CCDC171: variants seen among roughly 807,000 people sequenced by gnomAD.
CCDC171 encodes the protein coiled-coil domain-containing protein 171.
CCDC171 carries 177 observed loss-of-function variants against 168.2 expected under a neutral mutation model. The observed-to-expected ratio is 1.05, with a 90% CI of 0.93 to 1.19. CCDC171 has a LOEUF of 1.19. Ranked by LOEUF, CCDC171 falls within the 50% of genes most tolerant of loss-of-function variation. CCDC171 has a pLI of 0.00. For synonymous variants in CCDC171, 687 were observed against 540.8 expected (o/e 1.27, Z -3.75); for missense variants, 1,991 against 1,539.0 (o/e 1.29, Z -4.91).
At position 16,003,488 on chromosome 9, in the gene CCDC171, G is replaced by A. The variant is rs562904047; in HGVS notation, n.369-17101G>A. ...GAAAGTGTCAAGAAGAGCCCACTGG[G>A]AGGACAACTTCCTGGGCTCAACTGC... On this transcript the variant is annotated intron_variant and non_coding_transcript_variant, in intron 3 of 9. Coordinates refer to the CCDC171 transcript ENST00000486641. Among the ~76,000 whole-genome samples, 5 of 152,320 alleles carry A rather than the reference G, an allele frequency of 3.3e-5. No individual in the cohort carries two copies. In the South Asian group the frequency reaches 8.3e-4, roughly 25 times the overall value.
intron 21 of CCDC171, among the ~76,000 whole-genome samples, chr9:15,803,372 A>AG (rs1243899071): frequency 6.6e-6 from 1 of 151,254 alleles, no homozygotes; most frequent in Non-Finnish European, 1.5e-5. Context: ...TTTTTTTTCT[A>AG]GGGTTTTTTT....
intron 1 of CCDC171, 80 bp downstream of exon 1, chr9:15,553,382 G>A (rs1214319517): frequency 6.6e-6 from 1 of 152,156 alleles, no homozygotes; most frequent in Non-Finnish European, 1.5e-5. Context: ...CCCTGAGTGA[G>A]TTTGGGGCGG....
At chr9:15,895,216 A>G (rs765758747) in intron 24 of CCDC171, among the ~76,000 whole-genome samples, 8 of 152,160 alleles carry the variant, frequency 5.3e-5, no homozygotes, top group Middle Eastern at 3.2e-3. Context: ...GAGATTATGT[A>G]TGCCATCACA....
chr9:15,877,044 T>C (rs1817934863), intron 24 of CCDC171, among the ~76,000 whole-genome samples: 1 of 152,160 alleles, frequency 6.6e-6, no homozygotes, highest in South Asian at 2.1e-4. Context: ...GCATTATTAC[T>C]GAGTGAAGAG....
intron 24 of CCDC171, among the ~76,000 whole-genome samples, chr9:15,899,834 A>G (rs925462192): frequency 6.6e-6 from 1 of 152,056 alleles, no homozygotes; most frequent in Non-Finnish European, 1.5e-5. Flanking sequence ...TTTCATGGCA[A>G]TAATTTTTAA....
chr9:15,630,812 A>T (rs1451936563), intron 7 of CCDC171, among the ~76,000 whole-genome samples: 2 of 152,238 alleles, frequency 1.3e-5, no homozygotes, highest in African/African-American at 4.8e-5. Flanking sequence ...AGAAATTATA[A>T]CAAACTGTCT....
the CCDC171 span, among the ~76,000 whole-genome samples, chr9:16,088,167 C>G: frequency 5.3e-5 from 8 of 152,154 alleles, no homozygotes; most frequent in Non-Finnish European, 2.9e-5. Context: ...TGATAAAATT[C>G]AACTCTGCTT....
intron 3 of CCDC171, among the ~76,000 whole-genome samples, chr9:15,573,115 G>A (rs537401224): frequency 2.6e-5 from 4 of 152,250 alleles, no homozygotes; most frequent in African/African-American, 4.8e-5. Context: ...AGCTGAGATC[G>A]TGCCACTGCA....
chr9:15,795,042 A>G (rs2058481570), intron 21 of CCDC171, among the ~76,000 whole-genome samples: 1 of 152,224 alleles, frequency 6.6e-6, no homozygotes, highest in Admixed American at 6.5e-5. Flanking sequence ...TGCTATGACA[A>G]AATAGCACAG....
At chr9:16,087,722 AT>A in the CCDC171 span, among the ~76,000 whole-genome samples, 3 of 151,908 alleles carry the variant, frequency 2.0e-5, no homozygotes, top group Admixed American at 1.3e-4. Flanking sequence ...GTGTCTTCTA[AT>A]TGGGGCATTT....
At chr9:15,861,662 G>A (rs1010508196) in intron 23 of CCDC171, among the ~76,000 whole-genome samples, 12 of 149,004 alleles carry the variant, frequency 8.1e-5, no homozygotes, top group African/African-American at 2.2e-4. Context: ...ACATTTTGTC[G>A]TTGATGTCAC....
chr9:16,029,315 A>AGGTCTTG (rs1833328830), intron 6 of CCDC171, among the ~76,000 whole-genome samples: 1 of 152,192 alleles, frequency 6.6e-6, no homozygotes, highest in Admixed American at 6.5e-5. Flanking sequence ...CTTAGGTCTT[A>AGGTCTTG]GATGATTCAG....
intron 7 of CCDC171, among the ~76,000 whole-genome samples, chr9:15,635,298 CTTA>C (rs1338346799): frequency 6.6e-6 from 1 of 152,112 alleles, no homozygotes; most frequent in East Asian, 1.9e-4. Flanking sequence ...ATTTTATGTG[CTTA>C]TTAGCCATTC....
chr9:15,897,575 A>G (rs900069323), intron 24 of CCDC171, among the ~76,000 whole-genome samples: 6 of 152,178 alleles, frequency 3.9e-5, no homozygotes, highest in Admixed American at 6.6e-5. Context: ...AAAAATCTGT[A>G]GCTCAGAGTC....
At chr9:15,632,937 A>C (rs950497044) in intron 7 of CCDC171, among the ~76,000 whole-genome samples, 5 of 152,254 alleles carry the variant, frequency 3.3e-5, no homozygotes, top group African/African-American at 9.6e-5. Context: ...TTCCCTGTTT[A>C]ATAAATGGTG....
At chr9:15,803,906 G>A (rs2058950231) in intron 21 of CCDC171, among the ~76,000 whole-genome samples, 1 of 151,028 alleles carries the variant, frequency 6.6e-6, no homozygotes, top group South Asian at 2.1e-4. Flanking sequence ...AGCATGGAAT[G>A]TCTTTCCATT....
intron 6 of CCDC171, among the ~76,000 whole-genome samples, chr9:15,606,782 G>C (rs2043259736): frequency 6.6e-6 from 1 of 152,142 alleles, no homozygotes; most frequent in Non-Finnish European, 1.5e-5. Context: ...AGTTTCCTGT[G>C]ATATTAAATG....
chr9:15,838,520 G>T (rs1436280904), intron 21 of CCDC171, among the ~76,000 whole-genome samples: 1 of 152,140 alleles, frequency 6.6e-6, no homozygotes. Context: ...TTTAGCCAAA[G>T]AACCCTTTCT....
At chr9:15,590,829 C>CTT (rs749155309) in intron 4 of CCDC171, among the ~76,000 whole-genome samples, 1 of 113,304 alleles carries the variant, frequency 8.8e-6, no homozygotes, top group Admixed American at 9.0e-5. Context: ...TTCTTTCTTT[C>CTT]TTTCTTCTTC....
Sources: allele counts gnomAD v4.1 joint callset (sites outside exome capture counted in the v4.1 genomes callset), GRCh38; gene constraint gnomAD v4.1.1; transcripts MANE v1.5; gene names NCBI Gene and HGNC (gene_info 2026-07-23, HGNC 2026-07-21).